The following ROBO1 variants were observed in gnomAD, a reference collection of about 807,000 sequenced individuals.
ROBO1 encodes roundabout guidance receptor 1, also known as roundabout homolog 1.
ROBO1 carries 149 observed loss-of-function variants against 195.9 expected under a neutral mutation model. The observed-to-expected ratio is 0.76, with a 90% CI of 0.67 to 0.87. The LOEUF (loss-of-function observed/expected upper bound fraction) is 0.87. Ranked by LOEUF, ROBO1 falls within the 40% of genes least tolerant of loss-of-function variation. The pLI, the probability that ROBO1 is intolerant of heterozygous loss-of-function variation, is 0.00. For missense variants in ROBO1, 1,933 were observed against 2,068.3 expected (o/e 0.93, Z 1.27); for synonymous variants, 816 against 733.2 (o/e 1.11, Z -1.82).
At chr3:79,695,498 CT>C (rs1050380903) in intron 1 of ROBO1, among the ~76,000 whole-genome samples, 38 of 151,502 alleles carry the variant, frequency 2.5e-4, no homozygotes, top group Admixed American at 1.8e-3. Flanking sequence ...GACTGTGGTG[CT>C]TTTTCTCTCT....
At chr3:78,749,383 CTA>C (rs1466902304) in intron 4 of ROBO1, among the ~76,000 whole-genome samples, 1 of 151,978 alleles carries the variant, frequency 6.6e-6, no homozygotes, top group Non-Finnish European at 1.5e-5. Context: ...TAAATATTTA[CTA>C]TGTTATTTGG....
chr3:78,600,731 G>A (rs1703124778), intron 29 of ROBO1, among the ~76,000 whole-genome samples: 2 of 152,230 alleles, frequency 1.3e-5, no homozygotes, highest in Non-Finnish European at 2.9e-5. Context: ...TCAGGCCTCC[G>A]TTCACATGGA....
chr3:79,489,109 C>CATATATAT (rs140391978), intron 2 of ROBO1, among the ~76,000 whole-genome samples: 1 of 148,076 alleles, frequency 6.8e-6, no homozygotes, highest in African/African-American at 2.5e-5. Flanking sequence ...TATATAAGTA[C>CATATATAT]ATATATATAT....
At chr3:79,327,124 C>G (rs2109153295) in intron 2 of ROBO1, among the ~76,000 whole-genome samples, 1 of 151,986 alleles carries the variant, frequency 6.6e-6, no homozygotes, top group Admixed American at 6.6e-5. Flanking sequence ...AATAGGAAGA[C>G]TTAAGAAAGA....
At chr3:79,427,557 A>T (rs901707480) in intron 2 of ROBO1, among the ~76,000 whole-genome samples, 22 of 152,144 alleles carry the variant, frequency 1.4e-4, no homozygotes, top group African/African-American at 5.3e-4. Context: ...TCCTCATTTT[A>T]AAAATGGAGA....
At chr3:79,568,508 AT>A (rs377490411) in intron 2 of ROBO1, among the ~76,000 whole-genome samples, 1 of 148,108 alleles carries the variant, frequency 6.8e-6, no homozygotes, top group African/African-American at 2.5e-5. Flanking sequence ...GATTGATTGA[AT>A]TTTTTTCTTT....
At chr3:79,145,399 A>G (rs955830058) in intron 2 of ROBO1, among the ~76,000 whole-genome samples, 1 of 151,352 alleles carries the variant, frequency 6.6e-6, no homozygotes. Flanking sequence ...ACACACACAC[A>G]CACACAGACA....
intron 1 of ROBO1, among the ~76,000 whole-genome samples, chr3:79,624,605 GCATTATAT>G (rs1159618829): frequency 4.7e-4 from 71 of 151,930 alleles, no homozygotes; most frequent in African/African-American, 1.6e-3. Flanking sequence ...GCAAAGAAGG[GCATTATAT>G]AATGGAAAAG....
chr3:78,945,638 C>A (rs1267169288), intron 3 of ROBO1, among the ~76,000 whole-genome samples: 1 of 152,176 alleles, frequency 6.6e-6, no homozygotes, highest in Non-Finnish European at 1.5e-5. Flanking sequence ...GAATGCAGCT[C>A]CTCACCAGCA....
chr3:79,438,971 A>C (rs539507719), intron 2 of ROBO1, among the ~76,000 whole-genome samples: 2 of 152,146 alleles, frequency 1.3e-5, no homozygotes, highest in South Asian at 2.1e-4. Context: ...TCATTTGCTC[A>C]TTGTCACCAC....
rs149235250 is a variant in ROBO1 at position 79,214,132 on chromosome 3, A to G, written c.89-88593T>C. On this transcript the variant is annotated intron_variant, in intron 2 of 30. Transcript: ENST00000464233. ...ACTTCTTATATTGTCACAGGACTCA[A>G]TGTGAGATGCTGTGTTCCAGGTGAG... Among the ~76,000 whole-genome samples the G allele has an allele frequency of 1.9e-3, 288 of 152,108 alleles. 1 individual carries two copies. The highest frequency in any genetic ancestry group is 6.5e-3 in the African/African-American group (270 of 41,510).
intron 2 of ROBO1, among the ~76,000 whole-genome samples, chr3:79,544,270 T>A (rs774019518): frequency 9.2e-5 from 14 of 151,956 alleles, no homozygotes; most frequent in Non-Finnish European, 1.5e-4. Flanking sequence ...TTTTCTAGGA[T>A]AAATATTTTA....
In ROBO1 at chr3:79,476,948, TGAA is replaced by T. The variant is rs546886940; in HGVS notation, c.88+112873_88+112875del. ...AATAATAATAAATAATTTTTTAAGT[TGAA>T]GAAAAAAATTTGGTAATGAAAATAT... On this transcript the variant is annotated intron_variant, in intron 2 of 30. Coordinates refer to ENST00000464233, the MANE Select transcript of ROBO1 (RefSeq NM_002941.4). 2.6e-3 allele frequency among the ~76,000 whole-genome samples: 393 copies of T among 152,186 alleles called. 2 individuals carry two copies. The highest frequency in any genetic ancestry group is 8.1e-3 in the African/African-American group (337 of 41,550).
chr3:79,112,995 A>G lies in ROBO1; in HGVS notation c.172+12461T>C, dbSNP rs143501470. Among the ~76,000 whole-genome samples the G allele has an allele frequency of 2.3e-3, 349 of 152,266 alleles. 4 individuals carry two copies. The highest frequency in any genetic ancestry group is 8.0e-3 in the African/African-American group (334 of 41,558). On this transcript the variant is annotated intron_variant, in intron 3 of 30. Coordinates refer to ENST00000464233, the MANE Select transcript of ROBO1 (RefSeq NM_002941.4). Reference sequence around the variant, plus strand: ...AACTTGATTCATAAATTGGAAAGTCATGTTTTATCACCAAATGGAGAGCTC... The same window carrying G: ...AACTTGATTCATAAATTGGAAAGTCGTGTTTTATCACCAAATGGAGAGCTC...
intron 29 of ROBO1, among the ~76,000 whole-genome samples, chr3:78,601,387 G>A (rs749706646): frequency 3.9e-5 from 6 of 152,130 alleles, no homozygotes; most frequent in Admixed American, 2.0e-4. Flanking sequence ...CCTTGATAGC[G>A]TCTTGTTCTT....
intron 5 of ROBO1, among the ~76,000 whole-genome samples, chr3:78,725,225 T>C (rs1344749014): frequency 6.6e-6 from 1 of 152,102 alleles, no homozygotes; most frequent in Non-Finnish European, 1.5e-5. Context: ...ATAAACATAC[T>C]TGATGAAAGC....
intron 5 of ROBO1, among the ~76,000 whole-genome samples, chr3:78,730,946 G>A (rs2082272587): frequency 6.6e-6 from 1 of 151,926 alleles, no homozygotes; most frequent in Non-Finnish European, 1.5e-5. Flanking sequence ...CTTTCTGGTG[G>A]GCTACATTAA....
intron 1 of ROBO1, among the ~76,000 whole-genome samples, chr3:79,764,555 G>A (rs1034110598): frequency 2.6e-5 from 4 of 152,174 alleles, no homozygotes; most frequent in Non-Finnish European, 5.9e-5. Context: ...TTACTGCCTT[G>A]CTTTTTTTCA....
At chr3:78,823,226 T>C (rs1378385515) in intron 4 of ROBO1, among the ~76,000 whole-genome samples, 1 of 151,344 alleles carries the variant, frequency 6.6e-6, no homozygotes, top group Non-Finnish European at 1.5e-5. Flanking sequence ...TTTTCAGCTC[T>C]TGGGATGCTC....
Sources: gnomAD v4.1 joint callset for allele counts (sites outside exome capture counted in the v4.1 genomes callset) on GRCh38, gnomAD v4.1.1 for gene constraint, MANE v1.5 for transcripts, NCBI Gene and HGNC (gene_info 2026-07-23, HGNC 2026-07-21) for gene names.